The following CNTN3 variants were observed in gnomAD, a reference collection of about 807,000 sequenced individuals.
The protein encoded by CNTN3 is contactin-3.
A neutral mutation model predicts 119.1 loss-of-function variants in CNTN3; 60 were observed. That is an observed-to-expected ratio of 0.50 (90% confidence interval 0.41 to 0.62). The LOEUF is 0.62. CNTN3 is among the 20% of genes least tolerant of loss of function. The pLI, the probability that CNTN3 is intolerant of heterozygous loss-of-function variation, is 0.00. For synonymous variants in CNTN3, 450 were observed against 438.7 expected, an observed-to-expected ratio of 1.03 and a Z score of -0.32; for missense variants, 1,101 against 1,242.4, an observed-to-expected ratio of 0.89 and a Z score of 1.71.
chr3:74,506,470 G>A (rs964313980), intron 2 of CNTN3, among the ~76,000 whole-genome samples: 3 of 152,112 alleles, frequency 2.0e-5, no homozygotes, highest in Admixed American at 1.3e-4. Flanking sequence ...ATGGGTTGGA[G>A]TCTTGGGAGA....
At chr3:74,562,583 G>T (rs934796678) in intron 1 of CNTN3, among the ~76,000 whole-genome samples, 2 of 152,120 alleles carry the variant, frequency 1.3e-5, no homozygotes, top group East Asian at 3.9e-4. Context: ...AAGTGCTTTT[G>T]CTCCAAAATG....
chr3:74,337,590 G>T (rs1703428426), intron 11 of CNTN3, among the ~76,000 whole-genome samples: 1 of 151,974 alleles, frequency 6.6e-6, no homozygotes, highest in African/African-American at 2.4e-5. Context: ...AAGTGAAAGG[G>T]GTTCCCCTTA....
chr3:74,314,457 C>G (rs975534669), intron 13 of CNTN3, among the ~76,000 whole-genome samples: 1 of 152,002 alleles, frequency 6.6e-6, no homozygotes, highest in African/African-American at 2.4e-5. Context: ...AAAGGGATAG[C>G]GAAATATATA....
intron 13 of CNTN3, among the ~76,000 whole-genome samples, chr3:74,304,393 G>A (rs979230018): frequency 6.6e-6 from 1 of 152,098 alleles, no homozygotes; most frequent in Non-Finnish European, 1.5e-5. Flanking sequence ...TAGGTCTTAC[G>A]AGCTTCATAT....
chr3:74,399,121 T>A (rs186293378), intron 5 of CNTN3, among the ~76,000 whole-genome samples: 1 of 151,666 alleles, frequency 6.6e-6, no homozygotes, highest in Non-Finnish European at 1.5e-5. Flanking sequence ...TAACTGTAAG[T>A]TTTTTTTTAA....
intron 3 of CNTN3, among the ~76,000 whole-genome samples, chr3:74,498,533 T>G (rs1239470286): frequency 6.6e-6 from 1 of 151,774 alleles, no homozygotes; most frequent in South Asian, 2.1e-4. Context: ...CCAATAAATA[T>G]GTTGTTAAAT....
chr3:74,458,903 A>G (rs1430143289), intron 4 of CNTN3, among the ~76,000 whole-genome samples: 2 of 152,042 alleles, frequency 1.3e-5, no homozygotes, highest in African/African-American at 4.8e-5. Context: ...CAACAGAAAC[A>G]TAGTTTTCTT....
At chr3:74,611,229 T>G (rs1311103248) in intron 1 of CNTN3, among the ~76,000 whole-genome samples, 1 of 152,226 alleles carries the variant, frequency 6.6e-6, no homozygotes, top group African/African-American at 2.4e-5. Flanking sequence ...TCCTCATTCC[T>G]TGCAAGGCAG....
intron 4 of CNTN3, among the ~76,000 whole-genome samples, chr3:74,428,902 C>T (rs1479355438): frequency 6.6e-6 from 1 of 152,152 alleles, no homozygotes; most frequent in African/African-American, 2.4e-5. Flanking sequence ...AACACAAATA[C>T]TCACCATTGT....
intron 1 of CNTN3, among the ~76,000 whole-genome samples, chr3:74,575,949 T>G (rs1704409018): frequency 6.6e-6 from 1 of 151,998 alleles, no homozygotes; most frequent in Non-Finnish European, 1.5e-5. Flanking sequence ...TGGAACCCAG[T>G]GTCCAGCTTC....
intron 8 of CNTN3, among the ~76,000 whole-genome samples, chr3:74,366,369 T>C (rs909227223): frequency 2.6e-5 from 4 of 152,106 alleles, no homozygotes; most frequent in Non-Finnish European, 5.9e-5. Flanking sequence ...CAAATGGATT[T>C]ATCATTTTCA....
At chr3:74,296,171 T>C (rs2106805043) in intron 18 of CNTN3, among the ~76,000 whole-genome samples, 1 of 152,298 alleles carries the variant, frequency 6.6e-6, no homozygotes, top group Middle Eastern at 3.4e-3. Context: ...CTTTTGCTTC[T>C]TTCTTAGGTA....
intron 13 of CNTN3, among the ~76,000 whole-genome samples, chr3:74,303,958 T>C (rs1411186117): frequency 6.6e-6 from 1 of 152,172 alleles, no homozygotes. Flanking sequence ...TCAGAACTGG[T>C]AAAGAGAAAG....
At chr3:74,510,665 T>C (rs1703349011) in intron 2 of CNTN3, among the ~76,000 whole-genome samples, 1 of 152,054 alleles carries the variant, frequency 6.6e-6, no homozygotes, top group Non-Finnish European at 1.5e-5. Flanking sequence ...TTTACTGTGG[T>C]TAAAGTTACC....
At chr3:74,461,189 G>T (rs946079773) in intron 4 of CNTN3, among the ~76,000 whole-genome samples, 1 of 151,720 alleles carries the variant, frequency 6.6e-6, no homozygotes. Flanking sequence ...GCATTCTTGG[G>T]ATAAACCCTA....
chr3:74,409,348 G>A lies in CNTN3; in HGVS notation c.454+15497C>T, dbSNP rs140971256. On this transcript the variant is annotated intron_variant, in intron 5 of 22. Transcript: ENST00000263665. ...TGTACCCAAATTAGGCAAACACCTA[G>A]CTGTCACCAATCAGGTAACTTCTCT... Among the ~76,000 whole-genome samples the A allele has an allele frequency of 3.9e-3, 596 of 152,248 alleles. 1 individual carries two copies. Among genetic ancestry groups the A allele is most frequent in the Middle Eastern group, 0.034 (10 of 294 alleles).
chr3:74,371,902 C>T (rs1251301954), intron 5 of CNTN3, among the ~76,000 whole-genome samples: 1 of 152,074 alleles, frequency 6.6e-6, no homozygotes, highest in Non-Finnish European at 1.5e-5. Context: ...TTTGCACGTG[C>T]TGCTTCTGGG....
chr3:74,439,779 A>G (rs1453650031), intron 4 of CNTN3, among the ~76,000 whole-genome samples: 1 of 152,186 alleles, frequency 6.6e-6, no homozygotes, highest in Admixed American at 6.5e-5. Flanking sequence ...GAAAAAGATA[A>G]TATGTCCAAT....
intron 4 of CNTN3, among the ~76,000 whole-genome samples, chr3:74,428,112 A>C (rs1405594448): frequency 6.6e-6 from 1 of 152,194 alleles, no homozygotes; most frequent in Non-Finnish European, 1.5e-5. Context: ...GATTGTGTAA[A>C]AAACCTACTA....
Sources: gnomAD v4.1 joint callset for allele counts (sites outside exome capture counted in the v4.1 genomes callset) on GRCh38, gnomAD v4.1.1 for gene constraint, MANE v1.5 for transcripts, NCBI Gene and HGNC (gene_info 2026-07-23, HGNC 2026-07-21) for gene names.